The following AKR1E2 variants were observed in gnomAD, a reference collection of about 807,000 sequenced individuals.
AKR1E2 encodes 1,5-anhydro-D-fructose reductase.
A neutral mutation model predicts 41.9 loss-of-function variants in AKR1E2; 43 were observed. The observed-to-expected ratio is 1.03, with a 90% CI of 0.80 to 1.32. The LOEUF (loss-of-function observed/expected upper bound fraction) is 1.32, where lower values mean the gene tolerates loss of function less well. Ranked by LOEUF, AKR1E2 falls within the 40% of genes most tolerant of loss-of-function variation. AKR1E2 has a pLI of 0.00. For missense variants in AKR1E2, 423 were observed against 396.5 expected, an observed-to-expected ratio of 1.07 and a Z score of -0.57; for synonymous variants, 121 against 138.9, an observed-to-expected ratio of 0.87 and a Z score of 0.91.
rs778717100 is a variant in AKR1E2, at chr10:4,837,560, G to A, written c.561G>A (p.Arg187=). Residue 187 remains arginine (R), a synonymous_variant, in exon 5 of 10, where the codon AGG becomes AGA. Transcript: ENST00000298375. ...LERLLNKPGL[R]FKPLTNQIEC... ...GGCTTTTGAATAAGCCTGGGTTGAG[G>A]TTCAAGCCACTAACCAACCAGGTAA... The A allele has an allele frequency of 1.9e-6, 3 of 1,613,504 alleles. No homozygotes were observed. The highest frequency in any genetic ancestry group is 1.1e-5 in the South Asian group (1 of 91,042).
rs1253912421 is a variant in AKR1E2 at position 4,837,459 on chromosome 10, G to T, written c.460G>T (p.Ala154Ser). 2 of 1,613,992 alleles carry T rather than the reference G, an allele frequency of 1.2e-6. No individual in the cohort carries two copies. Among genetic ancestry groups the T allele is most frequent in the African/African-American group, 1.3e-5 (1 of 74,918 alleles). Reference protein sequence around the residue: ...SDTDFLDTWEAMEDLVITGLV... With the variant: ...SDTDFLDTWESMEDLVITGLV... The stretch of plus-strand genomic sequence containing the variant: ...ACCCAGCAGAGTCGTTCTCTTATAG[G>T]CCATGGAGGACCTGGTGATCACCGG... The change falls in exon 5 of 10, where the codon GCC becomes TCC. Residue 154 changes from alanine to serine, a missense_variant and splice_region_variant. Physicochemically the swap from Ala to Ser is moderately conservative, Grantham distance 99 (BLOSUM62 1). Transcript: ENST00000298375.
chr10:4,866,649 T>G, the AKR1E2 span, among the ~76,000 whole-genome samples: 13 of 125,738 alleles, frequency 1.0e-4, no homozygotes, highest in Middle Eastern at 4.3e-3. Context: ...GTTTTTGTTT[T>G]TTTTTTTTTT....
At chr10:4,866,002 A>G in the AKR1E2 span, among the ~76,000 whole-genome samples, 1 of 152,210 alleles carries the variant, frequency 6.6e-6, no homozygotes. Context: ...TCTCAAACTT[A>G]CTGAATTCTT....
chr10:4,867,770 T>C, the AKR1E2 span, among the ~76,000 whole-genome samples: 1 of 152,232 alleles, frequency 6.6e-6, no homozygotes, highest in African/African-American at 2.4e-5. Flanking sequence ...GGCCTTCCAG[T>C]GTTTTTCCTT....
intron 6 of AKR1E2, among the ~76,000 whole-genome samples, chr10:4,840,286 T>C (rs1833769394): frequency 6.6e-6 from 1 of 152,200 alleles, no homozygotes; most frequent in South Asian, 2.1e-4. Context: ...TTGGAAATCA[T>C]CCCTTCCCAC....
chr10:4,852,051 G>T (rs1026848154), downstream of AKR1E2, among the ~76,000 whole-genome samples: 13 of 152,094 alleles, frequency 8.5e-5, no homozygotes, highest in Non-Finnish European at 1.5e-5. Context: ...CAGTATTGAC[G>T]AGTATTTGGA....
At chr10:4,834,124 G>T (rs1833200769) in intron 3 of AKR1E2, among the ~76,000 whole-genome samples, 1 of 152,206 alleles carries the variant, frequency 6.6e-6, no homozygotes, top group Non-Finnish European at 1.5e-5. Flanking sequence ...ATGACAGCCT[G>T]CCTGGGCAAG....
chr10:4,836,655 C>G (rs1372446582), intron 4 of AKR1E2, among the ~76,000 whole-genome samples: 1 of 152,224 alleles, frequency 6.6e-6, no homozygotes, highest in Non-Finnish European at 1.5e-5. Flanking sequence ...CAATAGAAGA[C>G]AAAGACTGAC....
chr10:4,865,694 T>C, the AKR1E2 span, among the ~76,000 whole-genome samples: 2 of 152,184 alleles, frequency 1.3e-5, no homozygotes, highest in Non-Finnish European at 2.9e-5. Flanking sequence ...TTGGTAGGAC[T>C]ATAAATTTAT....
rs931742218 is a variant in AKR1E2, at chr10:4,826,252, C to T, written c.-73C>T. 29 of 1,185,516 alleles carry T rather than the reference C, an allele frequency of 2.4e-5. 1 individual carries two copies. The Middle Eastern group carries it at 1.0e-3, about 42-fold the overall frequency. 73.4% of individuals were successfully genotyped at this position (1,185,516 alleles called of 1,614,324 possible). On this transcript the variant is annotated 5_prime_UTR_variant, in exon 1 of 10. Transcript: ENST00000298375. ...AGTCGCAACGGCGGGTCGCCAGCGC[C>T]GCAGTAGCTCGCGCGGTGCCTGTCG... is the stretch of plus-strand genomic sequence containing the variant.
chr10:4,866,633 G>A, the AKR1E2 span, among the ~76,000 whole-genome samples: 4 of 131,978 alleles, frequency 3.0e-5, no homozygotes, highest in Non-Finnish European at 6.5e-5. Flanking sequence ...GCAGAGTTTT[G>A]TTTTTGTTTT....
chr10:4,840,993 C>A (rs963969600), intron 6 of AKR1E2, among the ~76,000 whole-genome samples: 5 of 152,186 alleles, frequency 3.3e-5, no homozygotes, highest in African/African-American at 1.2e-4. Flanking sequence ...AGTTTTATCA[C>A]CTGTGTGTTT....
the AKR1E2 span, among the ~76,000 whole-genome samples, chr10:4,867,355 C>A: frequency 6.6e-6 from 1 of 152,064 alleles, no homozygotes; most frequent in Non-Finnish European, 1.5e-5. Flanking sequence ...CACACATTCA[C>A]GTTTCCATCT....
chr10:4,855,686 A>G, the AKR1E2 span, among the ~76,000 whole-genome samples: 1 of 152,220 alleles, frequency 6.6e-6, no homozygotes, highest in Non-Finnish European at 1.5e-5. Context: ...ATAAGAGCTT[A>G]AATCAAACAT....
At chr10:4,854,561 G>A in the AKR1E2 span, among the ~76,000 whole-genome samples, 2 of 152,058 alleles carry the variant, frequency 1.3e-5, no homozygotes, top group East Asian at 1.9e-4. Flanking sequence ...CCCCCGCCCC[G>A]ACCCAGAGGC....
the AKR1E2 span, among the ~76,000 whole-genome samples, chr10:4,872,431 C>T: frequency 6.6e-6 from 1 of 152,038 alleles, no homozygotes; most frequent in Non-Finnish European, 1.5e-5. Flanking sequence ...GAGAGAGATA[C>T]AGTGGTTAGA....
At chr10:4,836,732 G>A (rs1302795874) in intron 4 of AKR1E2, among the ~76,000 whole-genome samples, 1 of 152,166 alleles carries the variant, frequency 6.6e-6, no homozygotes, top group Non-Finnish European at 1.5e-5. Flanking sequence ...AATGTTTTAG[G>A]TCCTAAAAGA....
the AKR1E2 span, among the ~76,000 whole-genome samples, chr10:4,864,720 A>G: frequency 6.6e-6 from 1 of 152,198 alleles, no homozygotes; most frequent in African/African-American, 2.4e-5. Flanking sequence ...CCATCGTCTC[A>G]GCCCAAAATC....
chr10:4,851,468 T>G (rs1028617077), downstream of AKR1E2, among the ~76,000 whole-genome samples: 11 of 152,236 alleles, frequency 7.2e-5, no homozygotes, highest in African/African-American at 2.4e-4. Context: ...CCAACTGGTT[T>G]CTGGTACTTT....
Sources: allele counts gnomAD v4.1 joint callset (sites outside exome capture counted in the v4.1 genomes callset), GRCh38; gene constraint gnomAD v4.1.1; transcripts MANE v1.5; gene names NCBI Gene and HGNC (gene_info 2026-07-23, HGNC 2026-07-21).